ABCA10: variants seen among roughly 807,000 people sequenced by gnomAD.
ABCA10 encodes the protein ATP binding cassette subfamily A member 10.
ABCA10 carries 169 observed loss-of-function variants against 187.5 expected under a neutral mutation model. The observed-to-expected ratio is 0.90, with a 90% CI of 0.80 to 1.02. The LOEUF is 1.02. ABCA10 is among the 50% of genes least tolerant of loss of function. ABCA10 has a pLI of 0.00. For missense variants in ABCA10, 1,727 were observed against 1,812.4 expected (o/e 0.95, Z 0.86); for synonymous variants, 574 against 601.8 (o/e 0.95, Z 0.68).
chr17:69,242,967 C>T (rs2074914321), intron 1 of ABCA10, among the ~76,000 whole-genome samples: 1 of 152,082 alleles, frequency 6.6e-6, no homozygotes, highest in African/African-American at 2.4e-5. Context: ...GAAGGGCCAC[C>T]TCAACAGTTG....
At chr17:69,232,307 C>T (rs1310898150), upstream of ABCA10, among the ~76,000 whole-genome samples, 1 of 151,722 alleles carries the variant, frequency 6.6e-6, no homozygotes, top group African/African-American at 2.4e-5. Flanking sequence ...TTTTGTGGAC[C>T]CTTTCTTCTC....
At chr17:69,188,140 C>T (rs1158199093) in intron 18 of ABCA10, among the ~76,000 whole-genome samples, 17 of 152,282 alleles carry the variant, frequency 1.1e-4, no homozygotes, top group Non-Finnish European at 5.9e-5. Flanking sequence ...AACAGTAGCT[C>T]TTCACTAATG....
Position 69,187,806 on chromosome 17 carries a change from A to T in ABCA10, c.2205T>A (p.Val735=), listed in dbSNP as rs758144294. 2 of 1,613,904 alleles carry T rather than the reference A, an allele frequency of 1.2e-6. No individual in the cohort carries two copies. Among genetic ancestry groups the T allele is most frequent in the South Asian group, 2.2e-5 (2 of 91,060 alleles). The change falls in exon 19 of 39, where the codon GTT becomes GTA. Residue 735 remains valine (V), a synonymous_variant. Coordinates refer to ENST00000690296, the MANE Select transcript of ABCA10 (RefSeq NM_001377321.1). ...NTGDESEMEQ[V]LCSLPETRKA... ...TTCTTGTTTCAGGAAGAGAACAAAGAACCTGTTCCATTTCAGACTCATCTC... is the reference window on the plus strand; with the variant it reads ...TTCTTGTTTCAGGAAGAGAACAAAGTACCTGTTCCATTTCAGACTCATCTC...
chr17:69,226,425 G>A (rs2074793748), intron 2 of ABCA10, among the ~76,000 whole-genome samples: 1 of 152,170 alleles, frequency 6.6e-6, no homozygotes, highest in Admixed American at 6.5e-5. Flanking sequence ...TTAAAAGGAT[G>A]ATATAAATCC....
chr17:69,181,642 A>G (rs557248072), intron 22 of ABCA10, among the ~76,000 whole-genome samples: 82 of 152,112 alleles, frequency 5.4e-4, no homozygotes, highest in African/African-American at 1.9e-3. Context: ...AAATTTTTCC[A>G]TAAAACTTTT....
chr17:69,219,415 C>A, intron 6 of ABCA10, 130 bp downstream of exon 6: 1 of 587,960 alleles, frequency 1.7e-6, no homozygotes. Context: ...ATCTTAAACT[C>A]TAATGCAAGT....
chr17:69,181,767 G>A (rs958051910), intron 22 of ABCA10, among the ~76,000 whole-genome samples: 1 of 151,786 alleles, frequency 6.6e-6, no homozygotes, highest in Non-Finnish European at 1.5e-5. Context: ...TTATAGGAAC[G>A]TAAGCTCCAT....
In ABCA10 at chr17:69,190,372, G is replaced by T; in HGVS notation, c.2117C>A (p.Ala706Glu). 6.5e-7 allele frequency: 1 copy of T among 1,547,268 alleles called. No homozygotes were observed. The highest frequency in any genetic ancestry group is 8.6e-7 in the Non-Finnish European group (1 of 1,157,830). Reference protein sequence around the residue: ...EVFLNLEGKSAIDEPDFDIGK... With the variant: ...EVFLNLEGKSEIDEPDFDIGK... The stretch of plus-strand genomic sequence containing the variant: ...CATTTTTATACCTGGTTCATCAATT[G>T]CTGATTTTCCTTCTAGGTTCAAGAA... The change falls in exon 18 of 39, where the codon GCA (alanine) becomes GAA (glutamate). Residue 706 changes from alanine (A) to glutamate (E), a missense_variant. Transcript: ENST00000690296.
chr17:69,218,664 T>C (rs7216899), intron 6 of ABCA10, among the ~76,000 whole-genome samples: 108,051 of 151,314 alleles, frequency 0.71, 38,661 homozygotes, highest in Middle Eastern at 0.76. Flanking sequence ...CATAGATATA[T>C]ATATAAATGC....
At chr17:69,228,877 C>CA (rs923711033), upstream of ABCA10, 2 of 151,332 alleles carry the variant, frequency 1.3e-5, no homozygotes, top group African/African-American at 2.4e-5. Context: ...GGCATACACA[C>CA]AAAAAAAGAG....
chr17:69,225,737 T>C (rs1326576498), intron 2 of ABCA10, among the ~76,000 whole-genome samples: 1 of 152,112 alleles, frequency 6.6e-6, no homozygotes, highest in Non-Finnish European at 1.5e-5. Context: ...ATATCAACAA[T>C]TGCAATCAAT....
rs771004408 is a variant in ABCA10 at position 69,182,686 on chromosome 17, C to T, written c.2620G>A (p.Gly874Ser). 6.9e-6 allele frequency: 11 copies of T among 1,598,888 alleles called. No homozygotes were observed. The highest frequency in any genetic ancestry group is 3.4e-5 in the South Asian group (3 of 88,468). Residue 874 changes from glycine to serine, a missense_variant, in exon 21 of 39, where the codon GGT becomes AGT. Coordinates refer to ENST00000690296, the MANE Select transcript of ABCA10 (RefSeq NM_001377321.1). ...AGAAGCAAACATACCTTCTGGTCAC[C>T]AGACACTATGATGGCTCCATTGTAG... The part of the protein sequence containing the change: ...PSYNGAIIVS[G>S]DQKDYRFSVA...
intron 3 of ABCA10, 107 bp from the exon 4 acceptor site, chr17:69,222,804 A>G (rs1045782512): frequency 9.6e-7 from 1 of 1,042,940 alleles, no homozygotes; most frequent in African/African-American, 1.7e-5. Flanking sequence ...GGTATTATAT[A>G]TTATTTCTGG....
chr17:69,199,034 T>C lies in ABCA10; in HGVS notation c.1176-1912A>G, dbSNP rs1308714487. Reference sequence around the variant, plus strand: ...TGTACTTTAAGGTCAGAAATGTTAGTTCCTTGTGTTCCCTATACATACACA... The same window carrying C: ...TGTACTTTAAGGTCAGAAATGTTAGCTCCTTGTGTTCCCTATACATACACA... On this transcript the variant is annotated intron_variant, in intron 10 of 38. Transcript: ENST00000690296. Among the ~76,000 whole-genome samples, 3 of 152,328 alleles carry C rather than the reference T, an allele frequency of 2.0e-5. No homozygotes were observed. The East Asian group carries it at 5.8e-4, about 29-fold the overall frequency.
rs1211148800 is a variant in ABCA10, at chr17:69,225,347, C to T, written c.12G>A (p.Met4Ile). The change falls in exon 3 of 39, where the codon ATG becomes ATA. Residue 4 changes from methionine (M) to isoleucine (I), a missense_variant. Met to Ile is a conservative substitution (Grantham distance 10, BLOSUM62 1). Transcript: ENST00000690296. The stretch of plus-strand genomic sequence containing the variant: ...CACCTTTCATAAAGGAAGCCAAGGC[C>T]ATCTTATTCATTATCCTTTGTGTTA... MNK[M>I]ALASFMKGRT... 9 of 1,613,066 alleles carry T rather than the reference C, an allele frequency of 5.6e-6. No individual in the cohort carries two copies. Among genetic ancestry groups the T allele is most frequent in the Non-Finnish European group, 7.6e-6 (9 of 1,179,366 alleles).
At chr17:69,243,107 A>G (rs562481622) in intron 1 of ABCA10, among the ~76,000 whole-genome samples, 1 of 152,340 alleles carries the variant, frequency 6.6e-6, no homozygotes, top group East Asian at 1.9e-4. Context: ...CTTGGTCTCA[A>G]ATTATCAAAG....
intron 30 of ABCA10, among the ~76,000 whole-genome samples, 171 bp downstream of exon 30, chr17:69,154,848 T>C (rs377650116): frequency 1.1e-4 from 16 of 152,338 alleles, no homozygotes; most frequent in East Asian, 7.7e-4. Flanking sequence ...AATTGGGACA[T>C]GATTTTGAAG....
At chr17:69,229,859 G>C (rs1461824176), upstream of ABCA10, among the ~76,000 whole-genome samples, 1 of 151,836 alleles carries the variant, frequency 6.6e-6, no homozygotes, top group African/African-American at 2.4e-5. Context: ...CACTTAAATG[G>C]GTGGGGAAAA....
chr17:69,211,335 AT>A (rs2074653212), intron 9 of ABCA10, among the ~76,000 whole-genome samples: 2 of 125,002 alleles, frequency 1.6e-5, no homozygotes, highest in Non-Finnish European at 3.4e-5. Flanking sequence ...ATATATATAT[AT>A]ATATATATAT....
Sources: allele counts gnomAD v4.1 joint callset (sites outside exome capture counted in the v4.1 genomes callset), GRCh38; gene constraint gnomAD v4.1.1; transcripts MANE v1.5; gene names NCBI Gene and HGNC (gene_info 2026-07-23, HGNC 2026-07-21).